The following BLTP3B variants were observed in gnomAD, a reference collection of about 807,000 sequenced individuals.
The protein encoded by BLTP3B is UHRF1 (ICBP90) binding protein 1-like.
At chr12:100,060,857 C>G in the BLTP3B span, among the ~76,000 whole-genome samples, 1 of 152,094 alleles carries the variant, frequency 6.6e-6, no homozygotes, top group Non-Finnish European at 1.5e-5. Context: ...AGCATTTAGA[C>G]TAAATTTAAG....
the BLTP3B span, chr12:100,128,543 GAAA>G: frequency 2.9e-4 from 286 of 972,028 alleles, no homozygotes; most frequent in South Asian, 9.8e-4. Flanking sequence ...TTTATAGAAT[GAAA>G]AAAAAAAAAA....
chr12:100,129,148 C>T, the BLTP3B span, among the ~76,000 whole-genome samples: 1 of 151,976 alleles, frequency 6.6e-6, no homozygotes, highest in Admixed American at 6.6e-5. Flanking sequence ...CCACTTTTAA[C>T]TGTAATTCTC....
chr12:100,080,606 G>T, the BLTP3B span, among the ~76,000 whole-genome samples: 2 of 152,184 alleles, frequency 1.3e-5, no homozygotes, highest in Non-Finnish European at 1.5e-5. Flanking sequence ...TGGAATAGCT[G>T]TATTTACCCA....
chr12:100,142,441 G>T, the BLTP3B span: 1 of 797,072 alleles, frequency 1.3e-6, no homozygotes. Context: ...AAGAGATCCG[G>T]GGCCGCGACC....
At chr12:100,092,161 T>A in the BLTP3B span, among the ~76,000 whole-genome samples, 1 of 152,266 alleles carries the variant, frequency 6.6e-6, no homozygotes, top group Non-Finnish European at 1.5e-5. Context: ...TAGAGAAGAA[T>A]AAAATGAAGC....
At chr12:100,092,663 C>T in the BLTP3B span, 6 of 153,930 alleles carry the variant, frequency 3.9e-5, no homozygotes, top group Non-Finnish European at 5.7e-5. Context: ...TTTTCTAATC[C>T]ATATTCCATT....
At chr12:100,052,422 G>A in the BLTP3B span, among the ~76,000 whole-genome samples, 1 of 152,110 alleles carries the variant, frequency 6.6e-6, no homozygotes, top group South Asian at 2.1e-4. Flanking sequence ...GAAAAACACT[G>A]AGTGGATAAA....
At chr12:100,050,164 T>G in the BLTP3B span, 1 of 1,472,504 alleles carries the variant, frequency 6.8e-7, no homozygotes, top group Non-Finnish European at 9.0e-7. Flanking sequence ...AAAAAAAAAC[T>G]TACCAACTGG....
the BLTP3B span, chr12:100,095,771 T>C: frequency 3.1e-6 from 5 of 1,613,680 alleles, no homozygotes; most frequent in Non-Finnish European, 4.2e-6. Flanking sequence ...TGGGAATCAG[T>C]CAAAACCCAT....
chr12:100,059,273 C>T, the BLTP3B span: 3 of 1,613,806 alleles, frequency 1.9e-6, no homozygotes, highest in South Asian at 3.3e-5. Context: ...AAATTTCATG[C>T]ATTTTGGTAT....
chr12:100,057,564 ACT>A, the BLTP3B span: 87 of 1,602,582 alleles, frequency 5.4e-5, no homozygotes, highest in African/African-American at 1.0e-3. Flanking sequence ...CCGTATCATA[ACT>A]TTACCTTTTT....
the BLTP3B span, among the ~76,000 whole-genome samples, chr12:100,082,023 C>T: frequency 3.9e-5 from 6 of 152,296 alleles, no homozygotes; most frequent in African/African-American, 1.4e-4. Flanking sequence ...TTTTACATTC[C>T]CACCAACAGT....
the BLTP3B span, among the ~76,000 whole-genome samples, chr12:100,122,037 C>T: frequency 6.6e-6 from 1 of 151,916 alleles, no homozygotes; most frequent in Non-Finnish European, 1.5e-5. Flanking sequence ...ACTCAGGAGG[C>T]TAAGGTGGGA....
chr12:100,097,624 T>C, the BLTP3B span: 1 of 1,119,194 alleles, frequency 8.9e-7, no homozygotes, highest in East Asian at 2.6e-5. Flanking sequence ...ACATTTTAGA[T>C]ATATTCACCA....
At chr12:100,057,501 C>T in the BLTP3B span, 1 of 1,305,190 alleles carries the variant, frequency 7.7e-7, no homozygotes, top group Non-Finnish European at 1.0e-6. Context: ...CTGAATATAA[C>T]TAAAAGCATC....
the BLTP3B span, among the ~76,000 whole-genome samples, chr12:100,062,962 AAAAAG>A: frequency 6.6e-6 from 1 of 151,668 alleles, no homozygotes; most frequent in Non-Finnish European, 1.5e-5. Flanking sequence ...TGTCTCAAAA[AAAAAG>A]AAAAGAATTT....
At chr12:100,080,394 C>T in the BLTP3B span, among the ~76,000 whole-genome samples, 2 of 151,732 alleles carry the variant, frequency 1.3e-5, no homozygotes, top group Admixed American at 6.6e-5. Flanking sequence ...GCTCTGTTGC[C>T]CAGGCTGGAG....
chr12:100,051,024 T>C, the BLTP3B span: 2 of 1,593,214 alleles, frequency 1.3e-6, no homozygotes, highest in African/African-American at 1.4e-5. Context: ...ATGTCAAATA[T>C]GAAATAAAGT....
the BLTP3B span, among the ~76,000 whole-genome samples, chr12:100,063,444 C>T: frequency 1.4e-4 from 22 of 152,096 alleles, no homozygotes; most frequent in Non-Finnish European, 2.9e-4. Context: ...CAGTGGCTCA[C>T]GCCTGTAATC....
Sources: gnomAD v4.1 joint callset for allele counts (sites outside exome capture counted in the v4.1 genomes callset) on GRCh38, gnomAD v4.1.1 for gene constraint, MANE v1.5 for transcripts, NCBI Gene and HGNC (gene_info 2026-07-23, HGNC 2026-07-21) for gene names.